Variants in KIF1C observed in about 807,000 individuals in gnomAD.
The protein encoded by KIF1C is kinesin-like protein KIF1C.
In KIF1C, 61 loss-of-function variants were observed where a neutral mutation model predicts 126.5. The ratio of observed to expected loss-of-function variants is 0.48; its 90% CI spans 0.39 to 0.60. The LOEUF (loss-of-function observed/expected upper bound fraction) is 0.60, where lower values mean the gene tolerates loss of function less well. KIF1C is among the 20% of genes least tolerant of loss of function. KIF1C has a pLI of 0.00. For missense variants in KIF1C, 1,315 were observed against 1,489.2 expected (o/e 0.88, Z 1.93); for synonymous variants, 640 against 580.6 (o/e 1.10, Z -1.47).
intron 16 of KIF1C, among the ~76,000 whole-genome samples, chr17:5,013,421 G>A (rs1000163811): frequency 1.3e-5 from 2 of 152,120 alleles, no homozygotes; most frequent in Non-Finnish European, 2.9e-5. Context: ...TGAGGAGAGG[G>A]TGGATCAGGC....
At chr17:5,021,406 C>A (rs567932228) in intron 21 of KIF1C, among the ~76,000 whole-genome samples, 9 of 152,006 alleles carry the variant, frequency 5.9e-5, no homozygotes, top group Admixed American at 2.0e-4. Flanking sequence ...GAACTCCTGA[C>A]CTCAGGTGAT....
At chr17:5,002,341 G>T in intron 6 of KIF1C, 123 bp from the exon 7 acceptor site, 1 of 1,046,086 alleles carries the variant, frequency 9.6e-7, no homozygotes, top group Admixed American at 2.0e-5. Context: ...GCTAGCATCT[G>T]CAGAATGCTT....
intron 8 of KIF1C, among the ~76,000 whole-genome samples, chr17:5,003,180 G>A (rs146372874): frequency 8.5e-4 from 130 of 152,242 alleles, no homozygotes; most frequent in Non-Finnish European, 1.5e-3. Flanking sequence ...GAGTACCTGG[G>A]ATTACAGGCA....
chr17:5,002,135 G>T lies in KIF1C; in HGVS notation c.429+11G>T, dbSNP rs1223152779. On this transcript the variant is annotated intron_variant, in intron 6 of 22. Transcript: ENST00000320785. ...TCCTACTCTGTGGAGGTAAGCCCGGGTCTTGGTGGCAGGGCTGAGAGGGGT... is the reference window on the plus strand; with the variant it reads ...TCCTACTCTGTGGAGGTAAGCCCGGTTCTTGGTGGCAGGGCTGAGAGGGGT... 1.2e-6 allele frequency: 2 copies of T among 1,613,432 alleles called. No homozygotes were observed. Among genetic ancestry groups the T allele is most frequent in the South Asian group, 2.2e-5 (2 of 91,074 alleles).
At position 5,006,983 on chromosome 17, in the gene KIF1C, T is replaced by G. The variant is rs1304629667; in HGVS notation, c.1234T>G (p.Ser412Ala). The change falls in exon 14 of 23, where the codon TCA becomes GCA. Residue 412 changes from serine (S) to alanine (A), a missense_variant. Ser to Ala is a moderately conservative substitution (Grantham distance 99, BLOSUM62 1). Around this residue, in one of 2 missense-constraint regions of KIF1C, gnomAD observed 874 missense variants for 1,053.2 expected, o/e 0.83. Transcript: ENST00000320785. ...TGTGTCATCTCCCCCAGCTCCAGTT[T>G]CACCCTCATCACCCACCACACATAA... is the stretch of plus-strand genomic sequence containing the variant. Reference protein sequence around the residue: ...PAVSSPPAPVSPSSPTTHNGE... With the variant: ...PAVSSPPAPVAPSSPTTHNGE... 136 of 1,611,372 alleles carry G rather than the reference T, an allele frequency of 8.4e-5. 1 individual carries two copies. The East Asian group carries it at 3.0e-3, about 36-fold the overall frequency.
intron 18 of KIF1C, among the ~76,000 whole-genome samples, chr17:5,018,703 C>CAA (rs372234383): frequency 7.5e-5 from 10 of 133,010 alleles, no homozygotes; most frequent in Non-Finnish European, 1.1e-4. Context: ...AACTCCATCT[C>CAA]AAAAAAAAAA....
In KIF1C at chr17:5,024,173, G is replaced by A; in HGVS notation, c.*22G>A. 6.5e-7 allele frequency: 1 copy of A among 1,548,146 alleles called. No individual in the cohort carries two copies. The highest frequency in any genetic ancestry group is 8.8e-7 in the Non-Finnish European group (1 of 1,140,862). ...GTGAGTCCCACATCCTGGGCAGAGGGCCTGGTGGGGCCCCTTGCTAGGAGA... is the reference window on the plus strand; with the variant it reads ...GTGAGTCCCACATCCTGGGCAGAGGACCTGGTGGGGCCCCTTGCTAGGAGA... On this transcript the variant is annotated 3_prime_UTR_variant, in exon 23 of 23. Coordinates refer to ENST00000320785, the MANE Select transcript of KIF1C (RefSeq NM_006612.6).
At chr17:5,019,847 A>G in intron 18 of KIF1C, 149 bp from the exon 19 acceptor site, 3 of 639,532 alleles carry the variant, frequency 4.7e-6, no homozygotes, top group Non-Finnish European at 8.6e-6. Context: ...GCCTGCCACC[A>G]GAGGGGCCAT....
In KIF1C at chr17:5,000,270, G is replaced by GCCTC; in HGVS notation, c.24_25insCCTC (p.Ala9ProfsTer9). 6.3e-7 allele frequency: 1 copy of GCCTC among 1,580,590 alleles called. No individual in the cohort carries two copies. Among genetic ancestry groups the GCCTC allele is most frequent in the Middle Eastern group, 1.8e-4 (1 of 5,688 alleles). The stretch of plus-strand genomic sequence containing the variant: ...CTATGGCTGGTGCCTCGGTGAAAGT[G>GCCTC]GCAGTGAGGGTTCGGCCCTTTAACG... On this transcript the variant is annotated frameshift_variant, in exon 3 of 23. Coordinates refer to ENST00000320785, the MANE Select transcript of KIF1C (RefSeq NM_006612.6). LOFTEE classifies it high-confidence loss of function.
At chr17:5,007,167 G>C (rs776848528) in intron 14 of KIF1C, 83 bp downstream of exon 14, 1 of 1,569,504 alleles carries the variant, frequency 6.4e-7, no homozygotes, top group Admixed American at 1.9e-5. Flanking sequence ...GAGAAAGAAG[G>C]AATTCTAGGA....
chr17:4,999,639 T>C (rs1974523375), intron 1 of KIF1C, among the ~76,000 whole-genome samples: 1 of 152,180 alleles, frequency 6.6e-6, no homozygotes, highest in Admixed American at 6.5e-5. Context: ...CTCTGTCCTC[T>C]ATCTGAACGT....
At chr17:5,011,056 T>C (rs1974855300) in intron 16 of KIF1C, among the ~76,000 whole-genome samples, 1 of 152,162 alleles carries the variant, frequency 6.6e-6, no homozygotes, top group Non-Finnish European at 1.5e-5. Flanking sequence ...TCCCACATTC[T>C]GGCTTAGTAA....
Position 5,022,712 on chromosome 17 carries a change from A to G in KIF1C, c.2628+3A>G. 6.6e-7 allele frequency: 1 copy of G among 1,518,936 alleles called. No individual in the cohort carries two copies. The allele number at this position is 1,518,936 out of a possible 1,614,324, so 94.1% of individuals were successfully genotyped here. On this transcript the variant is annotated splice_donor_region_variant and intron_variant, in intron 22 of 22. Transcript: ENST00000320785. This position sits in a 1 kb window ranked among gnomAD's most constrained non-coding sequence, Gnocchi z 4.9. ...AGAGGGTCATCCCCCTGGCCCAGGT[A>G]GGACTGGCCTTCTGCCTCCCTTCTC...
rs1975241770 is a variant in KIF1C, at chr17:5,028,251, C to G, written c.*4100C>G. 6.6e-6 allele frequency: 1 copy of G among 152,170 alleles called. No homozygotes were observed. The highest frequency in any genetic ancestry group is 1.5e-5 in the Non-Finnish European group (1 of 68,040). The allele number at this position is 152,170 out of a possible 1,614,324, so 9.4% of individuals were successfully genotyped here. A position where few individuals can be genotyped will look rare whatever the true frequency, so the allele number is the denominator to read the frequency against. On this transcript the variant is annotated 3_prime_UTR_variant, in exon 23 of 23. Transcript: ENST00000320785. ...TAATTTGCTTTTCTTCATTGTCTTT[C>G]TTTGGAGCTGCTTTCCTTTTGTTGG...
chr17:5,000,991 C>A, intron 4 of KIF1C, 143 bp downstream of exon 4: 1 of 964,394 alleles, frequency 1.0e-6, no homozygotes, highest in East Asian at 2.4e-5. Context: ...GGTGGTAGGA[C>A]CCTTAGGCTG....
intron 4 of KIF1C, 37 bp downstream of exon 4, chr17:5,000,885 GAGAC>G: frequency 6.3e-7 from 1 of 1,587,914 alleles, no homozygotes; most frequent in Non-Finnish European, 8.6e-7. Flanking sequence ...AAGGCAGTGA[GAGAC>G]AGAGGATTTA....
At chr17:5,008,875 G>A (rs752289659) in intron 16 of KIF1C, among the ~76,000 whole-genome samples, 9 of 152,160 alleles carry the variant, frequency 5.9e-5, no homozygotes, top group East Asian at 5.8e-4. Flanking sequence ...GAGCTGGGCC[G>A]CTTCCACCAC....
chr17:5,013,602 C>T (rs1974911453), intron 16 of KIF1C, 51 bp from the exon 17 acceptor site: 1 of 1,373,574 alleles, frequency 7.3e-7, no homozygotes, highest in African/African-American at 1.4e-5. Flanking sequence ...TTCTTCCTTT[C>T]TATAGCACCC....
chr17:5,002,184 G>A, intron 6 of KIF1C, 60 bp downstream of exon 6: 1 of 1,448,622 alleles, frequency 6.9e-7, no homozygotes, highest in Non-Finnish European at 9.7e-7. Flanking sequence ...GGCTGTCGCT[G>A]GAATCAGACA....
Sources: gnomAD v4.1 joint callset for allele counts (sites outside exome capture counted in the v4.1 genomes callset) on GRCh38, gnomAD v4.1.1 for gene constraint, gnomAD v4.1.1 regional missense constraint, Gnocchi (gnomAD v3.1) non-coding constraint, MANE v1.5 for transcripts, NCBI Gene and HGNC (gene_info 2026-07-23, HGNC 2026-07-21) for gene names.